Variants in WWOX observed in about 807,000 individuals in gnomAD.
WWOX encodes the protein WW domain containing oxidoreductase.
A neutral mutation model predicts 46.2 loss-of-function variants in WWOX; 69 were observed. The ratio of observed to expected loss-of-function variants is 1.49; its 90% CI spans 1.23 to 1.82. The LOEUF (loss-of-function observed/expected upper bound fraction) is 1.82. Ranked by LOEUF, WWOX falls within the 40% of genes most tolerant of loss-of-function variation. The pLI, the probability that WWOX is intolerant of heterozygous loss-of-function variation, is 0.00. For synonymous variants in WWOX, 359 were observed against 202.6 expected, an observed-to-expected ratio of 1.77 and a Z score of -6.56; for missense variants, 919 against 542.6, an observed-to-expected ratio of 1.69 and a Z score of -6.89.
intron 8 of WWOX, among the ~76,000 whole-genome samples, chr16:78,674,824 T>C (rs1338411340): frequency 9.5e-6 from 1 of 104,754 alleles, no homozygotes; most frequent in Admixed American, 1.2e-4. Context: ...GATTTTTCAT[T>C]TTTCATTTTT....
chr16:78,296,626 A>G (rs117131647), intron 5 of WWOX, among the ~76,000 whole-genome samples: 2,149 of 152,096 alleles, frequency 0.014, 19 homozygotes, highest in Non-Finnish European at 0.023. Flanking sequence ...CAGGGGAAAT[A>G]TGAAAGTTTT....
intron 8 of WWOX, among the ~76,000 whole-genome samples, chr16:78,971,843 C>G (rs1034373739): frequency 2.6e-5 from 4 of 151,894 alleles, no homozygotes; most frequent in East Asian, 1.9e-4. Flanking sequence ...CAAGAGAAAG[C>G]TAGTTCATTT....
rs968064517 is a variant in WWOX, at chr16:78,751,907, C to T, written c.1056+319155C>T. On this transcript the variant is annotated intron_variant, in intron 8 of 8. Transcript: ENST00000566780. The stretch of plus-strand genomic sequence containing the variant: ...TAAGACTGGAGGCAGAGTGGTCACC[C>T]AGATGAAAATGAATAACCCAACTGT... Among the ~76,000 whole-genome samples, 5 of 152,050 alleles carry T rather than the reference C, an allele frequency of 3.3e-5. No individual in the cohort carries two copies. In the South Asian group the frequency reaches 6.2e-4, roughly 19 times the overall value.
chr16:78,570,797 C>A (rs1306049211), intron 8 of WWOX, among the ~76,000 whole-genome samples: 1 of 152,036 alleles, frequency 6.6e-6, no homozygotes. Flanking sequence ...CAGAAACAAA[C>A]AAACATGGCA....
chr16:78,637,639 G>A (rs1254881080), intron 8 of WWOX, among the ~76,000 whole-genome samples: 1 of 152,200 alleles, frequency 6.6e-6, no homozygotes, highest in Non-Finnish European at 1.5e-5. Flanking sequence ...AAAGAAGGAA[G>A]GGCTGGAGAC....
intron 8 of WWOX, among the ~76,000 whole-genome samples, chr16:78,488,244 C>G (rs1450635124): frequency 6.6e-6 from 1 of 152,132 alleles, no homozygotes; most frequent in Non-Finnish European, 1.5e-5. Flanking sequence ...TTGGCATAGT[C>G]TTAGCAGTTA....
intron 5 of WWOX, among the ~76,000 whole-genome samples, chr16:78,277,387 G>C (rs75719661): frequency 0.015 from 2,318 of 152,262 alleles, 59 homozygotes; most frequent in African/African-American, 0.054. Context: ...CTCCTTGAGG[G>C]AAGTTGCAGT....
At chr16:78,401,962 G>A (rs570407492) in intron 6 of WWOX, among the ~76,000 whole-genome samples, 2 of 152,242 alleles carry the variant, frequency 1.3e-5, no homozygotes, top group South Asian at 2.1e-4. Context: ...TAATCCCAAA[G>A]TGCTGGGATT....
At chr16:78,384,653 G>T (rs556569985) in intron 5 of WWOX, among the ~76,000 whole-genome samples, 2 of 151,902 alleles carry the variant, frequency 1.3e-5, no homozygotes, top group Non-Finnish European at 2.9e-5. Flanking sequence ...CCCACGTGTG[G>T]GCGTTTTCCC....
At chr16:78,181,462 A>G (rs1191815715) in intron 5 of WWOX, among the ~76,000 whole-genome samples, 2 of 152,268 alleles carry the variant, frequency 1.3e-5, no homozygotes, top group East Asian at 1.9e-4. Flanking sequence ...AAATATCAAT[A>G]CTTTGCAAAG....
At chr16:78,893,098 C>T (rs868118966) in intron 8 of WWOX, among the ~76,000 whole-genome samples, 2 of 151,926 alleles carry the variant, frequency 1.3e-5, no homozygotes, top group African/African-American at 4.8e-5. Flanking sequence ...CTCCACCCTG[C>T]TGAGTAAACT....
At chr16:78,742,366 T>C (rs893851120) in intron 8 of WWOX, among the ~76,000 whole-genome samples, 1 of 152,200 alleles carries the variant, frequency 6.6e-6, no homozygotes, top group Non-Finnish European at 1.5e-5. Flanking sequence ...GCCCCACTTC[T>C]AGCTCTGGCT....
At chr16:78,350,463 A>G (rs962463157) in intron 5 of WWOX, among the ~76,000 whole-genome samples, 1 of 118,300 alleles carries the variant, frequency 8.5e-6, no homozygotes, top group African/African-American at 2.9e-5. Context: ...TCCACTCCCA[A>G]CCTCTCTCCC....
intron 5 of WWOX, among the ~76,000 whole-genome samples, chr16:78,330,976 CTATT>C (rs1026523533): frequency 8.5e-5 from 13 of 152,166 alleles, no homozygotes; most frequent in Admixed American, 5.2e-4. Context: ...CTGGAGCAGT[CTATT>C]TATTCAGACA....
intron 5 of WWOX, among the ~76,000 whole-genome samples, chr16:78,276,502 C>T (rs551340829): frequency 4.6e-5 from 7 of 152,322 alleles, no homozygotes; most frequent in South Asian, 2.1e-4. Context: ...GAGCCCTGCG[C>T]GAGCCCCACT....
chr16:78,882,108 A>G (rs1467931842), intron 8 of WWOX, among the ~76,000 whole-genome samples: 1 of 152,230 alleles, frequency 6.6e-6, no homozygotes, highest in Non-Finnish European at 1.5e-5. Context: ...CCTGGGTGAC[A>G]GAGCAAGAGT....
chr16:78,100,343 A>C (rs533827705), intron 1 of WWOX: 1 of 740,560 alleles, frequency 1.4e-6, no homozygotes, highest in African/African-American at 1.9e-5. Context: ...GCCTCTACCT[A>C]CTGGGTTCAG....
chr16:78,801,742 C>G (rs994313325), intron 8 of WWOX, among the ~76,000 whole-genome samples: 1 of 152,096 alleles, frequency 6.6e-6, no homozygotes. Flanking sequence ...TGTCCCTCTC[C>G]TTAGTGTATA....
chr16:78,942,518 C>T (rs1178196216), intron 8 of WWOX, among the ~76,000 whole-genome samples: 4 of 152,086 alleles, frequency 2.6e-5, no homozygotes. Context: ...GCTCTCTGGG[C>T]AGTGGGATGG....
Sources: gnomAD v4.1 joint callset for allele counts (sites outside exome capture counted in the v4.1 genomes callset) on GRCh38, gnomAD v4.1.1 for gene constraint, MANE v1.5 for transcripts, NCBI Gene and HGNC (gene_info 2026-07-23, HGNC 2026-07-21) for gene names.